Variants in ANO3 observed in about 807,000 individuals in gnomAD.
The protein encoded by ANO3 is anoctamin 3, also known as anoctamin-3.
A neutral mutation model predicts 144.8 loss-of-function variants in ANO3; 99 were observed. The ratio of observed to expected loss-of-function variants is 0.68; its 90% CI spans 0.58 to 0.81. The LOEUF is 0.81. ANO3 is among the 30% of genes least tolerant of loss of function. The pLI is 0.00. For missense variants in ANO3, 905 were observed against 1,202.2 expected, an observed-to-expected ratio of 0.75 and a Z score of 3.66; for synonymous variants, 414 against 392.6, an observed-to-expected ratio of 1.05 and a Z score of -0.64.
At chr11:26,393,511 C>T (rs1352750999) in intron 1 of ANO3, among the ~76,000 whole-genome samples, 1 of 152,104 alleles carries the variant, frequency 6.6e-6, no homozygotes, top group Admixed American at 6.6e-5. Flanking sequence ...CCATATAATA[C>T]AATGAAGAGC....
chr11:26,299,794 T>C (rs1330623776), intron 1 of ANO3, among the ~76,000 whole-genome samples: 1 of 152,168 alleles, frequency 6.6e-6, no homozygotes, highest in Non-Finnish European at 1.5e-5. Context: ...TGGCCTTTGT[T>C]GGAATACAGT....
chr11:26,443,723 CT>C, intron 2 of ANO3, 41 bp from the exon 3 acceptor site: 1 of 1,116,422 alleles, frequency 9.0e-7, no homozygotes. Flanking sequence ...TGTTGTTATG[CT>C]TTTATTTCCC....
chr11:26,637,694 A>G (rs993227937), intron 20 of ANO3, among the ~76,000 whole-genome samples: 17 of 152,220 alleles, frequency 1.1e-4, no homozygotes, highest in Non-Finnish European at 2.2e-4. Context: ...TGCAGTAAGC[A>G]TGACCATTTG....
intron 1 of ANO3, chr11:26,286,238 A>T (rs1282718091): frequency 1.3e-5 from 2 of 152,220 alleles, no homozygotes; most frequent in African/African-American, 4.8e-5. Context: ...GAACTTTCTT[A>T]ACCACAAAAT....
intron 1 of ANO3, among the ~76,000 whole-genome samples, chr11:26,301,691 G>A (rs528949268): frequency 6.6e-6 from 1 of 152,270 alleles, no homozygotes; most frequent in Admixed American, 6.5e-5. Context: ...TTAAGTTCAG[G>A]TAAAAGATTC....
chr11:26,529,842 AC>A (rs1372369556), intron 7 of ANO3, among the ~76,000 whole-genome samples: 1 of 152,136 alleles, frequency 6.6e-6, no homozygotes, highest in Non-Finnish European at 1.5e-5. Context: ...CAGTATATAT[AC>A]CATAATAGAA....
At position 26,651,558 on chromosome 11, in the gene ANO3, G is replaced by A. The variant is rs573986081; in HGVS notation, c.2576+3702G>A. Among the ~76,000 whole-genome samples the A allele has an allele frequency of 3.9e-4, 60 of 151,926 alleles. No homozygotes were observed. The South Asian group carries it at 0.012, about 32-fold the overall frequency. ...GTCATTCTCACTATGTTTTTCTTTT[G>A]GAAAATATAGGTATTTTTCTTTAAG... On this transcript the variant is annotated intron_variant, in intron 24 of 26. Transcript: ENST00000256737.
chr11:26,341,790 C>A (rs1308295018), intron 1 of ANO3, among the ~76,000 whole-genome samples: 1 of 152,176 alleles, frequency 6.6e-6, no homozygotes, highest in Non-Finnish European at 1.5e-5. Context: ...GAATCCCTGG[C>A]AAACCACTGG....
At chr11:26,383,638 T>C (rs928253417) in intron 1 of ANO3, among the ~76,000 whole-genome samples, 26 of 152,072 alleles carry the variant, frequency 1.7e-4, no homozygotes, top group African/African-American at 5.6e-4. Context: ...GAGAACTACA[T>C]TGAAAAATAA....
intron 4 of ANO3, among the ~76,000 whole-genome samples, chr11:26,500,364 A>G (rs896539784): frequency 6.6e-6 from 1 of 152,088 alleles, no homozygotes; most frequent in African/African-American, 2.4e-5. Flanking sequence ...GTTTAATACT[A>G]TAAGAAATTG....
At chr11:26,219,842 G>A (rs763436357) in intron 1 of ANO3, among the ~76,000 whole-genome samples, 5 of 152,154 alleles carry the variant, frequency 3.3e-5, no homozygotes, top group Non-Finnish European at 7.3e-5. Context: ...TAGGGTGGAT[G>A]GAATCTTAAA....
At chr11:26,364,611 G>A (rs1367487850) in intron 1 of ANO3, among the ~76,000 whole-genome samples, 1 of 152,150 alleles carries the variant, frequency 6.6e-6, no homozygotes, top group African/African-American at 2.4e-5. Context: ...ATTACATGGT[G>A]AAAGCAAGAC....
At chr11:26,205,489 T>A (rs1851779375) in intron 1 of ANO3, among the ~76,000 whole-genome samples, 1 of 152,166 alleles carries the variant, frequency 6.6e-6, no homozygotes, top group African/African-American at 2.4e-5. Flanking sequence ...AAATGTTTGA[T>A]CAAGAAGCCT....
intron 1 of ANO3, 34 bp downstream of exon 1, chr11:26,332,355 G>A: frequency 6.2e-7 from 1 of 1,610,184 alleles, no homozygotes; most frequent in Non-Finnish European, 8.5e-7. Context: ...CTCCCTGCGG[G>A]CGTCACTTCC....
At chr11:26,503,239 A>C (rs1444520455) in intron 4 of ANO3, among the ~76,000 whole-genome samples, 1 of 152,092 alleles carries the variant, frequency 6.6e-6, no homozygotes, top group African/African-American at 2.4e-5. Context: ...AATCAAATGC[A>C]CTCCACATTG....
At chr11:26,336,376 C>T (rs1855192990) in intron 1 of ANO3, among the ~76,000 whole-genome samples, 1 of 152,146 alleles carries the variant, frequency 6.6e-6, no homozygotes, top group African/African-American at 2.4e-5. Context: ...TCATCATTAT[C>T]CTAAAGGACA....
chr11:26,292,988 C>T (rs1003176966), intron 1 of ANO3, among the ~76,000 whole-genome samples: 2 of 152,194 alleles, frequency 1.3e-5, no homozygotes, highest in African/African-American at 4.8e-5. Context: ...AATCACCCAT[C>T]TTCTGCGTCA....
intron 1 of ANO3, among the ~76,000 whole-genome samples, chr11:26,435,580 G>A (rs1858265831): frequency 6.6e-6 from 1 of 152,150 alleles, no homozygotes; most frequent in African/African-American, 2.4e-5. Context: ...TTTATCAGAG[G>A]TTTTGTTCAC....
At chr11:26,385,179 A>G (rs1169644250) in intron 1 of ANO3, among the ~76,000 whole-genome samples, 1 of 152,254 alleles carries the variant, frequency 6.6e-6, no homozygotes, top group Non-Finnish European at 1.5e-5. Context: ...CTAGATGGAA[A>G]AATAGATTGA....
Sources: gnomAD v4.1 joint callset for allele counts (sites outside exome capture counted in the v4.1 genomes callset) on GRCh38, gnomAD v4.1.1 for gene constraint, MANE v1.5 for transcripts, NCBI Gene and HGNC (gene_info 2026-07-23, HGNC 2026-07-21) for gene names.